ZNF804B: variants seen among roughly 807,000 people sequenced by gnomAD.
ZNF804B encodes the protein zinc finger protein 804B.
Under a neutral mutation model 101.4 loss-of-function variants are expected in ZNF804B, and 80 were observed. The observed-to-expected ratio is 0.79, with a 90% CI of 0.66 to 0.95. The LOEUF (loss-of-function observed/expected upper bound fraction) is 0.95. Among genes scored for constraint, ZNF804B ranks in the 40% least tolerant of loss-of-function variants. The pLI is 0.00. For missense variants in ZNF804B, 1,673 were observed against 1,561.9 expected, an observed-to-expected ratio of 1.07 and a Z score of -1.20; for synonymous variants, 622 against 558.8, an observed-to-expected ratio of 1.11 and a Z score of -1.59.
chr7:89,100,856 C>T (rs1374241122), intron 1 of ZNF804B, among the ~76,000 whole-genome samples: 1 of 151,876 alleles, frequency 6.6e-6, no homozygotes, highest in Non-Finnish European at 1.5e-5. Flanking sequence ...CATATACCCA[C>T]TATGTACTCA....
In ZNF804B at chr7:89,321,219, G is replaced by T. The variant is rs112092150; in HGVS notation, c.250-6125G>T. Among the ~76,000 whole-genome samples the T allele has an allele frequency of 6.0e-3, 919 of 152,150 alleles. 7 individuals carry two copies. Among genetic ancestry groups the T allele is most frequent in the Non-Finnish European group, 8.3e-3 (567 of 67,996 alleles). ...GATGCGGCCAGGCACGTTGGCTCAC[G>T]CCTGTAATCCCAGCACTTTGGGAGG... On this transcript the variant is annotated intron_variant, in intron 2 of 3. Transcript: ENST00000333190.
intron 1 of ZNF804B, among the ~76,000 whole-genome samples, chr7:89,151,911 A>C (rs1260137682): frequency 6.6e-6 from 1 of 152,028 alleles, no homozygotes; most frequent in East Asian, 1.9e-4. Context: ...GGGTTTGTTT[A>C]TTGGTTTCCC....
chr7:89,105,343 C>T (rs531493611), intron 1 of ZNF804B, among the ~76,000 whole-genome samples: 4 of 152,170 alleles, frequency 2.6e-5, no homozygotes, highest in Non-Finnish European at 2.9e-5. Context: ...ATCCAATGAA[C>T]GGACTCCTTG....
intron 1 of ZNF804B, among the ~76,000 whole-genome samples, chr7:89,010,164 A>G (rs1012792053): frequency 1.3e-5 from 2 of 152,180 alleles, no homozygotes; most frequent in African/African-American, 2.4e-5. Context: ...TAATAATACT[A>G]ATAATACATT....
At chr7:88,939,688 GATAAAA>G (rs1005258458) in intron 1 of ZNF804B, among the ~76,000 whole-genome samples, 4 of 149,812 alleles carry the variant, frequency 2.7e-5, no homozygotes, top group South Asian at 4.2e-4. Context: ...ATGCAGAAAA[GATAAAA>G]ATAAAAAGAT....
At chr7:89,181,113 A>AGT (rs1788289188) in intron 1 of ZNF804B, among the ~76,000 whole-genome samples, 1 of 151,818 alleles carries the variant, frequency 6.6e-6, no homozygotes, top group East Asian at 1.9e-4. Flanking sequence ...CTCAAGTGGA[A>AGT]GGAAAGAGTC....
chr7:89,184,498 C>T (rs1788344157), intron 1 of ZNF804B, among the ~76,000 whole-genome samples: 1 of 152,082 alleles, frequency 6.6e-6, no homozygotes, highest in Admixed American at 6.6e-5. Flanking sequence ...AATGTCAGTT[C>T]TTTCTCTTGT....
At chr7:89,164,371 A>G (rs368793650) in intron 1 of ZNF804B, among the ~76,000 whole-genome samples, 1 of 152,206 alleles carries the variant, frequency 6.6e-6, no homozygotes, top group African/African-American at 2.4e-5. Context: ...ATTTTGAAAG[A>G]AACTATCGTG....
chr7:89,195,546 C>T (rs1168189427), intron 1 of ZNF804B, among the ~76,000 whole-genome samples: 1 of 150,700 alleles, frequency 6.6e-6, no homozygotes. Flanking sequence ...ACACCAATAA[C>T]AGACAAACAG....
intron 2 of ZNF804B, among the ~76,000 whole-genome samples, chr7:89,269,634 G>A (rs551104777): frequency 7.2e-5 from 11 of 152,216 alleles, no homozygotes; most frequent in South Asian, 2.1e-4. Flanking sequence ...ATGAGGAATC[G>A]CCACACTGAC....
intron 1 of ZNF804B, among the ~76,000 whole-genome samples, chr7:88,887,890 G>T (rs1420672812): frequency 6.6e-6 from 1 of 151,878 alleles, no homozygotes; most frequent in Non-Finnish European, 1.5e-5. Context: ...GCTTATATAT[G>T]TATATTCTTT....
chr7:89,220,166 C>CAT (rs1300513573), intron 2 of ZNF804B, among the ~76,000 whole-genome samples: 1 of 104,790 alleles, frequency 9.5e-6, no homozygotes, highest in Non-Finnish European at 2.0e-5. Flanking sequence ...TATATACGCA[C>CAT]ATATATATGT....
intron 1 of ZNF804B, among the ~76,000 whole-genome samples, chr7:88,929,342 C>T (rs894270510): frequency 5.2e-5 from 7 of 135,576 alleles, no homozygotes; most frequent in Middle Eastern, 3.8e-3. Flanking sequence ...CCCTAAGGTT[C>T]TGAAAAAAAA....
intron 1 of ZNF804B, among the ~76,000 whole-genome samples, chr7:89,045,978 C>A (rs1219523575): frequency 6.6e-6 from 1 of 152,064 alleles, no homozygotes; most frequent in Non-Finnish European, 1.5e-5. Flanking sequence ...CAAATCTCAT[C>A]TTGAATTGTA....
At chr7:89,271,797 G>A (rs2115840738) in intron 2 of ZNF804B, among the ~76,000 whole-genome samples, 1 of 152,106 alleles carries the variant, frequency 6.6e-6, no homozygotes, top group South Asian at 2.1e-4. Flanking sequence ...TTTAGTCTTG[G>A]GAGGCTGTAT....
At chr7:88,931,719 T>G (rs1312742480) in intron 1 of ZNF804B, among the ~76,000 whole-genome samples, 1 of 151,868 alleles carries the variant, frequency 6.6e-6, no homozygotes, top group Admixed American at 6.6e-5. Flanking sequence ...TGCTTATCAT[T>G]GTATTCTCTG....
intron 1 of ZNF804B, among the ~76,000 whole-genome samples, chr7:88,981,715 A>G (rs1242086671): frequency 1.3e-5 from 2 of 151,962 alleles, no homozygotes. Context: ...TGCTTCCTCC[A>G]TGGACGCCAC....
At chr7:88,873,694 C>T (rs1328806544) in intron 1 of ZNF804B, among the ~76,000 whole-genome samples, 1 of 152,154 alleles carries the variant, frequency 6.6e-6, no homozygotes, top group Admixed American at 6.6e-5. Context: ...ATATGGCGAG[C>T]CAGTTCTCCC....
chr7:88,860,724 C>T (rs190453013), intron 1 of ZNF804B, among the ~76,000 whole-genome samples: 10 of 151,994 alleles, frequency 6.6e-5, no homozygotes, highest in East Asian at 3.9e-4. Context: ...CAAATAGACA[C>T]GAATACAAGA....
Sources: gnomAD v4.1 joint callset for allele counts (sites outside exome capture counted in the v4.1 genomes callset) on GRCh38, gnomAD v4.1.1 for gene constraint, MANE v1.5 for transcripts, NCBI Gene and HGNC (gene_info 2026-07-23, HGNC 2026-07-21) for gene names.